TENM2: variants seen among roughly 807,000 people sequenced by gnomAD.
TENM2 encodes teneurin-2.
In TENM2, 52 loss-of-function variants were observed where a neutral mutation model predicts 245.2. The observed-to-expected ratio is 0.21, with a 90% CI of 0.17 to 0.27. The LOEUF (loss-of-function observed/expected upper bound fraction) is 0.27, where lower values mean the gene tolerates loss of function less well. TENM2 is among the 10% of genes least tolerant of loss of function. The pLI, the probability that TENM2 is intolerant of heterozygous loss-of-function variation, is 1.00. For synonymous variants in TENM2, 1,363 were observed against 1,438.9 expected (o/e 0.95, Z 1.19); for missense variants, 3,046 against 3,666.8 (o/e 0.83, Z 4.37).
intron 2 of TENM2, among the ~76,000 whole-genome samples, chr5:167,555,620 G>A (rs1328188932): frequency 1.3e-5 from 2 of 152,094 alleles, no homozygotes; most frequent in Non-Finnish European, 2.9e-5. Context: ...CTGTAGGAAC[G>A]AGGGGAAAAG....
intron 9 of TENM2, among the ~76,000 whole-genome samples, chr5:168,104,552 G>A (rs2617970): frequency 0.11 from 16,618 of 152,174 alleles, 1,242 homozygotes; most frequent in East Asian, 0.32. Context: ...AAGCGACCGG[G>A]TATGTGTCCA....
chr5:167,636,239 T>A lies in TENM2; in HGVS notation c.503-239747T>A, dbSNP rs192922519. 1.1e-4 allele frequency among the ~76,000 whole-genome samples: 17 copies of A among 152,320 alleles called. No homozygotes were observed. In the East Asian group the frequency reaches 2.9e-3, roughly 26 times the overall value. On this transcript the variant is annotated intron_variant, in intron 2 of 28. Transcript: ENST00000518659. ...CATTCTAAGTATTAATAATTAGATT[T>A]AAGAGGATTCTTTTGGAGATGCAAT...
intron 2 of TENM2, among the ~76,000 whole-genome samples, chr5:167,503,911 A>C (rs1393669651): frequency 3.3e-5 from 5 of 152,110 alleles, no homozygotes; most frequent in African/African-American, 1.2e-4. Flanking sequence ...AAAACAAATA[A>C]ATTTAAAAAT....
chr5:167,566,227 C>G (rs905315220), intron 2 of TENM2, among the ~76,000 whole-genome samples: 1 of 151,184 alleles, frequency 6.6e-6, no homozygotes, highest in African/African-American at 2.4e-5. Flanking sequence ...GCTAAGAAAA[C>G]TGTGAGTGGA....
chr5:167,714,147 T>A (rs1336918769), intron 2 of TENM2, among the ~76,000 whole-genome samples: 2 of 152,212 alleles, frequency 1.3e-5, no homozygotes, highest in African/African-American at 4.8e-5. Context: ...GCCTTCTTTA[T>A]AGCCAGGAGT....
intron 2 of TENM2, among the ~76,000 whole-genome samples, chr5:167,870,963 C>T (rs533724218): frequency 6.6e-6 from 1 of 152,138 alleles, no homozygotes; most frequent in Admixed American, 6.5e-5. Flanking sequence ...CTGCAACATG[C>T]CCTCTGTCAT....
At chr5:167,593,248 A>T (rs934755887) in intron 2 of TENM2, among the ~76,000 whole-genome samples, 1 of 152,180 alleles carries the variant, frequency 6.6e-6, no homozygotes, top group Non-Finnish European at 1.5e-5. Context: ...AAAAAAGATG[A>T]CTTTGAGTTT....
At chr5:167,439,392 G>A (rs1173042572) in intron 2 of TENM2, among the ~76,000 whole-genome samples, 1 of 152,138 alleles carries the variant, frequency 6.6e-6, no homozygotes, top group African/African-American at 2.4e-5. Context: ...TTGAACAACT[G>A]TTAAGGGCAC....
intron 2 of TENM2, among the ~76,000 whole-genome samples, chr5:167,454,053 T>C (rs1765762325): frequency 6.6e-6 from 1 of 152,154 alleles, no homozygotes; most frequent in Non-Finnish European, 1.5e-5. Flanking sequence ...ATCATTCCAA[T>C]TGAATTTTCA....
intron 1 of TENM2, among the ~76,000 whole-genome samples, chr5:167,333,333 C>T (rs1039771624): frequency 1.3e-5 from 2 of 152,166 alleles, no homozygotes; most frequent in Non-Finnish European, 2.9e-5. Flanking sequence ...TCGATTTTCT[C>T]AGCTGCAAAG....
the TENM2 span, among the ~76,000 whole-genome samples, chr5:167,261,574 G>A: frequency 6.6e-6 from 1 of 152,102 alleles, no homozygotes; most frequent in Non-Finnish European, 1.5e-5. Context: ...ATTAAGGCAG[G>A]AAAGAGAAAG....
the TENM2 span, among the ~76,000 whole-genome samples, chr5:167,255,558 C>T: frequency 6.6e-6 from 1 of 152,120 alleles, no homozygotes; most frequent in African/African-American, 2.4e-5. Flanking sequence ...GTTATGTTTT[C>T]TAAGGGTTTT....
chr5:166,990,024 A>G, the TENM2 span, among the ~76,000 whole-genome samples: 2 of 152,128 alleles, frequency 1.3e-5, no homozygotes, highest in Admixed American at 6.6e-5. Flanking sequence ...TTGCCTATGT[A>G]TAAATAGACA....
At chr5:168,203,660 C>T (rs1183790743) in intron 17 of TENM2, 29 bp from the exon 20 acceptor site, 1 of 1,565,116 alleles carries the variant, frequency 6.4e-7, no homozygotes, top group Non-Finnish European at 8.7e-7. Context: ...TCTTTTCTCT[C>T]ACTCTGCCCC....
chr5:167,629,844 A>G (rs1017843434), intron 2 of TENM2, among the ~76,000 whole-genome samples: 1 of 151,840 alleles, frequency 6.6e-6, no homozygotes, highest in Admixed American at 6.6e-5. Context: ...TGCTTGTTGT[A>G]TCTTGTTGCG....
chr5:167,246,070 G>A, the TENM2 span, among the ~76,000 whole-genome samples: 2 of 152,130 alleles, frequency 1.3e-5, no homozygotes, highest in South Asian at 4.1e-4. Context: ...TTGGGAGTGA[G>A]TAACCAATGG....
the TENM2 span, among the ~76,000 whole-genome samples, chr5:167,047,158 C>A: frequency 2.0e-5 from 3 of 152,162 alleles, no homozygotes; most frequent in Non-Finnish European, 4.4e-5. Flanking sequence ...TTTGTACTTT[C>A]TTAATTTCAT....
At chr5:167,314,225 A>G (rs1167636371) in intron 1 of TENM2, among the ~76,000 whole-genome samples, 1 of 152,138 alleles carries the variant, frequency 6.6e-6, no homozygotes, top group Admixed American at 6.5e-5. Context: ...TTGTTCTTCT[A>G]TTATGCTTAT....
the TENM2 span, among the ~76,000 whole-genome samples, chr5:167,205,056 A>G: frequency 6.9e-3 from 1,043 of 152,254 alleles, 8 homozygotes; most frequent in Non-Finnish European, 0.011. Context: ...CACCTCATAC[A>G]ATTATTGGTA....
Sources: gnomAD v4.1 joint callset for allele counts (sites outside exome capture counted in the v4.1 genomes callset) on GRCh38, gnomAD v4.1.1 for gene constraint, MANE v1.5 for transcripts, NCBI Gene and HGNC (gene_info 2026-07-23, HGNC 2026-07-21) for gene names.